The following CDH23 variants were observed in gnomAD, a reference collection of about 807,000 sequenced individuals.
CDH23 encodes the protein cadherin related 23.
In CDH23, 189 loss-of-function variants were observed where a neutral mutation model predicts 317.1. The ratio of observed to expected loss-of-function variants is 0.60; its 90% confidence interval spans 0.53 to 0.67. The LOEUF (loss-of-function observed/expected upper bound fraction) is 0.67, where lower values mean the gene tolerates loss of function less well. CDH23 is among the 30% of genes least tolerant of loss of function. The pLI is 0.00. For missense variants in CDH23, 4,401 were observed against 4,592.4 expected (o/e 0.96, Z 1.20); for synonymous variants, 1,839 against 1,876.8 (o/e 0.98, Z 0.52).
In CDH23 at chr10:71,798,539, G is replaced by A. The variant is rs1257980773; in HGVS notation, c.7015G>A (p.Val2339Met). The part of the protein sequence containing the change: ...GLVTYTLLDL[V>M]PPGYVQLEDS... ...GGTCACCTACACCCTGCTGGACCTG[G>A]TGCCCCCAGGGTATGTCCAGCTGGA... The change falls in exon 50 of 70, where the codon GTG (valine) becomes ATG (methionine). Residue 2339 changes from valine to methionine, a missense_variant. Val to Met is a conservative substitution (Grantham distance 21). Transcript: ENST00000224721. 4.3e-6 allele frequency: 7 copies of A among 1,613,354 alleles called. No homozygotes were observed. Among genetic ancestry groups the A allele is most frequent in the Non-Finnish European group, 5.9e-6 (7 of 1,179,656 alleles).
At chr10:71,611,284 G>C (rs562567313) in intron 9 of CDH23, among the ~76,000 whole-genome samples, 2 of 152,298 alleles carry the variant, frequency 1.3e-5, no homozygotes, top group Non-Finnish European at 2.9e-5. Context: ...GAATGAGGGG[G>C]GAGCAGAGGT....
chr10:71,577,369 G>A (rs533206320), intron 8 of CDH23, among the ~76,000 whole-genome samples: 5 of 151,922 alleles, frequency 3.3e-5, no homozygotes, highest in Admixed American at 1.3e-4. Flanking sequence ...GGGCCATGGC[G>A]GCCTCCTGAG....
chr10:71,667,999 A>G (rs1403869475), intron 14 of CDH23, among the ~76,000 whole-genome samples: 2 of 152,106 alleles, frequency 1.3e-5, no homozygotes, highest in African/African-American at 4.8e-5. Context: ...TGGGCCACAC[A>G]GCTCCCTCCA....
At position 71,480,595 on chromosome 10, in the gene CDH23, A is replaced by T. The variant is rs546765664; in HGVS notation, c.146-29487A>T. On this transcript the variant is annotated intron_variant, in intron 3 of 69. Transcript: ENST00000224721. ...GTGTTTCCAGTGAGGAGGGCAGAGG[A>T]ACAAAGGTATGAAGGCAAGATGGAG... is the stretch of plus-strand genomic sequence containing the variant. Among the ~76,000 whole-genome samples, 5 of 152,296 alleles carry T rather than the reference A, an allele frequency of 3.3e-5. No homozygotes were observed. The South Asian group carries it at 1.0e-3, about 32-fold the overall frequency.
chr10:71,767,953 C>T (rs1840594924), intron 38 of CDH23, among the ~76,000 whole-genome samples: 1 of 152,158 alleles, frequency 6.6e-6, no homozygotes, highest in Non-Finnish European at 1.5e-5. Context: ...GAGGTCCCGG[C>T]CCGTGGATGC....
At chr10:71,708,911 C>T (rs563074718) in intron 26 of CDH23, among the ~76,000 whole-genome samples, 187 bp from the exon 27 acceptor site, 6 of 152,362 alleles carry the variant, frequency 3.9e-5, no homozygotes, top group East Asian at 1.9e-4. Context: ...TTCCAGGCAT[C>T]TGGCACCCCC....
intron 6 of CDH23, among the ~76,000 whole-genome samples, chr10:71,526,851 A>G (rs1482427959): frequency 6.6e-6 from 1 of 152,164 alleles, no homozygotes; most frequent in Non-Finnish European, 1.5e-5. Flanking sequence ...CACGTCACAG[A>G]GCAGAGATGG....
At position 71,769,350 on chromosome 10, in the gene CDH23, A is replaced by G. The variant is rs923803750; in HGVS notation, c.4846-8330A>G. The stretch of plus-strand genomic sequence containing the variant: ...TTTCCAACTAGAATTCAATACCCTT[A>G]TATGGTTTTCCTGTTACGTTCTTTT... On this transcript the variant is annotated intron_variant, in intron 38 of 69. Coordinates refer to ENST00000224721, the MANE Select transcript of CDH23 (RefSeq NM_022124.6). Among the ~76,000 whole-genome samples the G allele has an allele frequency of 5.9e-5, 9 of 152,258 alleles. No individual in the cohort carries two copies. In the East Asian group the frequency reaches 7.7e-4, roughly 13 times the overall value.
intron 6 of CDH23, among the ~76,000 whole-genome samples, chr10:71,516,201 T>A (rs1216419075): frequency 6.6e-6 from 1 of 152,206 alleles, no homozygotes; most frequent in African/African-American, 2.4e-5. Context: ...GAAGTGAGCC[T>A]CTGTGTCCCT....
At chr10:71,809,288 C>T (rs1206624141) in intron 60 of CDH23, among the ~76,000 whole-genome samples, 1 of 144,148 alleles carries the variant, frequency 6.9e-6, no homozygotes, top group African/African-American at 2.6e-5. Context: ...AAGTGATTCT[C>T]CTGCCTCAGC....
intron 38 of CDH23, chr10:71,755,025 G>T (rs1360420933): frequency 2.0e-6 from 1 of 497,996 alleles, no homozygotes. Flanking sequence ...CCTTAAACAG[G>T]TCCCCCAAGG....
intron 3 of CDH23, among the ~76,000 whole-genome samples, chr10:71,448,025 C>T (rs1850254208): frequency 6.6e-6 from 1 of 152,230 alleles, no homozygotes; most frequent in Admixed American, 6.5e-5. Flanking sequence ...ATATTTGGAG[C>T]AGGTGGGCCA....
chr10:71,654,681 T>C (rs1001940487), intron 14 of CDH23, among the ~76,000 whole-genome samples: 1 of 152,188 alleles, frequency 6.6e-6, no homozygotes, highest in African/African-American at 2.4e-5. Flanking sequence ...TGCCCTTGGC[T>C]CATTTGGCTG....
At chr10:71,773,963 G>A (rs1840754754) in intron 38 of CDH23, among the ~76,000 whole-genome samples, 1 of 151,906 alleles carries the variant, frequency 6.6e-6, no homozygotes, top group African/African-American at 2.4e-5. Context: ...GTGAATGAAT[G>A]AAATCTGACA....
chr10:71,653,982 T>C (rs946851514), intron 14 of CDH23, among the ~76,000 whole-genome samples: 4 of 152,272 alleles, frequency 2.6e-5, no homozygotes, highest in Non-Finnish European at 5.9e-5. Context: ...GGCTGTGACT[T>C]CCCTAGACTC....
At position 71,426,987 on chromosome 10, in the gene CDH23, A is replaced by G. The variant is rs141959382; in HGVS notation, c.-5-12840A>G. Among the ~76,000 whole-genome samples the G allele has an allele frequency of 3.9e-3, 588 of 151,968 alleles. 3 individuals are homozygous for G. The highest frequency in any genetic ancestry group is 0.012 in the African/African-American group (510 of 41,436). ...ACAGTGAGACCTTGTTTCTACAAAA[A>G]TAAAAATTAAAAAATTAGCTAGGCA... is the stretch of plus-strand genomic sequence containing the variant. On this transcript the variant is annotated intron_variant, in intron 1 of 69. Coordinates refer to ENST00000224721, the MANE Select transcript of CDH23 (RefSeq NM_022124.6).
At chr10:71,416,282 C>T (rs901167994) in intron 1 of CDH23, among the ~76,000 whole-genome samples, 1 of 152,166 alleles carries the variant, frequency 6.6e-6, no homozygotes, top group African/African-American at 2.4e-5. Context: ...GCCTTGGCCT[C>T]CTGAAGTGCT....
At chr10:71,403,643 A>G (rs924577282) in intron 1 of CDH23, among the ~76,000 whole-genome samples, 1 of 150,804 alleles carries the variant, frequency 6.6e-6, no homozygotes, top group Admixed American at 6.6e-5. Context: ...CAGCCTCCCA[A>G]GTAGCTGGGA....
intron 38 of CDH23, chr10:71,755,301 G>C (rs1427157736): frequency 2.0e-6 from 3 of 1,464,054 alleles, no homozygotes; most frequent in Non-Finnish European, 2.8e-6. Flanking sequence ...GGCTGAACTG[G>C]GGGCTGGAGC....
Sources: gnomAD v4.1 joint callset for allele counts (sites outside exome capture counted in the v4.1 genomes callset) on GRCh38, gnomAD v4.1.1 for gene constraint, MANE v1.5 for transcripts, NCBI Gene and HGNC (gene_info 2026-07-23, HGNC 2026-07-21) for gene names.